CEP135: variants seen among roughly 807,000 people sequenced by gnomAD.
CEP135 encodes centrosomal protein of 135 kDa.
A neutral mutation model predicts 157.3 loss-of-function variants in CEP135; 142 were observed. The observed-to-expected ratio is 0.90, with a 90% CI of 0.79 to 1.04. CEP135 has a LOEUF of 1.04. CEP135 is among the 50% of genes least tolerant of loss of function. The pLI is 0.00. For synonymous variants in CEP135, 396 were observed against 439.8 expected (o/e 0.90, Z 1.25); for missense variants, 1,317 against 1,309.2 (o/e 1.01, Z -0.09).
chr4:55,969,008 G>A (rs1728930322), intron 8 of CEP135, 55 bp from the exon 9 acceptor site: 1 of 1,329,876 alleles, frequency 7.5e-7, no homozygotes, highest in East Asian at 2.4e-5. Flanking sequence ...ATTTGCATAT[G>A]ACTTAAGTAT....
chr4:56,006,957 C>T (rs1171380228), intron 17 of CEP135, among the ~76,000 whole-genome samples: 2 of 152,102 alleles, frequency 1.3e-5, no homozygotes, highest in African/African-American at 4.8e-5. Flanking sequence ...GCAGTGGCAT[C>T]ATCTCAACTC....
chr4:55,986,027 A>C (rs1278707136), intron 14 of CEP135, among the ~76,000 whole-genome samples: 1 of 152,188 alleles, frequency 6.6e-6, no homozygotes, highest in African/African-American at 2.4e-5. Flanking sequence ...TTGGGTTCAG[A>C]TCCATCTTTG....
chr4:55,990,451 GA>G (rs1455796932), intron 14 of CEP135, among the ~76,000 whole-genome samples: 1 of 152,016 alleles, frequency 6.6e-6, no homozygotes, highest in African/African-American at 2.4e-5. Flanking sequence ...AAATAAAGAA[GA>G]AATCCAGCTA....
chr4:56,024,687 C>A, intron 25 of CEP135, 73 bp downstream of exon 25: 2 of 1,040,720 alleles, frequency 1.9e-6, no homozygotes, highest in Non-Finnish European at 3.0e-6. Flanking sequence ...TTTTCTGCAT[C>A]AGGAAAGGGG....
chr4:55,953,081 T>C lies in CEP135; in HGVS notation c.114-4T>C. On this transcript the variant is annotated splice_polypyrimidine_tract_variant and splice_region_variant and intron_variant, in intron 2 of 25. Coordinates refer to ENST00000257287, the MANE Select transcript of CEP135 (RefSeq NM_025009.5). ...CCTGGTATTTAAATTTTCTGTTCTT[T>C]TAGCGACTTAGTTCATACAACTGAG... 6.4e-7 allele frequency: 1 copy of C among 1,550,802 alleles called. No homozygotes were observed. The highest frequency in any genetic ancestry group is 8.6e-7 in the Non-Finnish European group (1 of 1,156,138).
intron 3 of CEP135, 73 bp downstream of exon 3, chr4:55,953,348 C>T (rs1250869133): frequency 1.7e-6 from 2 of 1,145,140 alleles, no homozygotes; most frequent in Admixed American, 5.5e-5. Context: ...AAGCTAACGT[C>T]TAATTTTAAA....
chr4:55,964,779 T>G, intron 7 of CEP135: 1 of 152,168 alleles, frequency 6.6e-6, no homozygotes, highest in East Asian at 1.9e-4. Flanking sequence ...TGGGATATTC[T>G]CCTTTATGGT....
intron 3 of CEP135, 110 bp downstream of exon 3, chr4:55,953,385 C>A: frequency 1.3e-6 from 1 of 788,156 alleles, no homozygotes. Context: ...TATAGTAGTC[C>A]TACAGCTGGA....
chr4:55,987,730 A>G (rs985647292), intron 14 of CEP135, among the ~76,000 whole-genome samples: 1 of 152,214 alleles, frequency 6.6e-6, no homozygotes, highest in Non-Finnish European at 1.5e-5. Context: ...TGGAAAATGT[A>G]TCTGAAGAAA....
At chr4:55,966,183 A>G in intron 8 of CEP135, 1 of 204,952 alleles carries the variant, frequency 4.9e-6, no homozygotes, top group Non-Finnish European at 9.7e-6. Flanking sequence ...TTTCCCCTCT[A>G]TGTCATTTTT....
At chr4:56,010,022 C>A (rs1301163249) in intron 19 of CEP135, 119 bp downstream of exon 19, 36 of 1,064,266 alleles carry the variant, frequency 3.4e-5, no homozygotes, top group Non-Finnish European at 4.8e-5. Flanking sequence ...ATAAATAATT[C>A]ATTAAGGACA....
At chr4:56,011,073 A>C (rs1195585367) in intron 19 of CEP135, among the ~76,000 whole-genome samples, 1 of 151,922 alleles carries the variant, frequency 6.6e-6, no homozygotes, top group Non-Finnish European at 1.5e-5. Flanking sequence ...ATCTCAGAAA[A>C]TTAAAAAAAA....
chr4:55,974,196 A>G (rs1181271613), intron 10 of CEP135, among the ~76,000 whole-genome samples: 2 of 152,240 alleles, frequency 1.3e-5, no homozygotes, highest in Non-Finnish European at 2.9e-5. Flanking sequence ...CAGGAAAATC[A>G]TTCCATGCCT....
chr4:55,999,693 T>G, intron 17 of CEP135, 48 bp downstream of exon 17: 1 of 1,555,538 alleles, frequency 6.4e-7, no homozygotes, highest in Non-Finnish European at 8.6e-7. Context: ...CAGAACAGTT[T>G]TTTTTGTTTT....
At chr4:55,973,598 A>T (rs1470225732) in intron 10 of CEP135, among the ~76,000 whole-genome samples, 2 of 152,208 alleles carry the variant, frequency 1.3e-5, no homozygotes, top group Non-Finnish European at 2.9e-5. Flanking sequence ...TTACAAATTA[A>T]TGATCTCCTC....
chr4:56,024,145 A>G (rs987118513), intron 24 of CEP135, among the ~76,000 whole-genome samples: 26 of 146,304 alleles, frequency 1.8e-4, no homozygotes, highest in Non-Finnish European at 2.8e-4. Flanking sequence ...TAATTAGTAT[A>G]ATTAGTATAT....
intron 6 of CEP135, among the ~76,000 whole-genome samples, chr4:55,963,066 A>G (rs1728733602): frequency 6.6e-6 from 1 of 151,884 alleles, no homozygotes; most frequent in South Asian, 2.1e-4. Context: ...TGTTTGCCCA[A>G]GTGCACATTC....
chr4:55,957,105 G>T (rs1728531884), intron 4 of CEP135, 118 bp from the exon 5 acceptor site: 8 of 994,406 alleles, frequency 8.0e-6, no homozygotes, highest in Non-Finnish European at 1.0e-5. Context: ...AAAATATTTT[G>T]TCAATATGTA....
intron 10 of CEP135, among the ~76,000 whole-genome samples, chr4:55,974,291 A>G (rs746698387): frequency 1.3e-5 from 2 of 152,204 alleles, no homozygotes; most frequent in African/African-American, 4.8e-5. Flanking sequence ...TGAAGAGGCA[A>G]TTTCTATGGT....
Sources: gnomAD v4.1 joint callset for allele counts (sites outside exome capture counted in the v4.1 genomes callset) on GRCh38, gnomAD v4.1.1 for gene constraint, MANE v1.5 for transcripts, NCBI Gene and HGNC (gene_info 2026-07-23, HGNC 2026-07-21) for gene names.